CNTNAP5: variants seen among roughly 807,000 people sequenced by gnomAD.
CNTNAP5 encodes the protein contactin associated protein family member 5.
In CNTNAP5, 72 loss-of-function variants were observed where a neutral mutation model predicts 150.2. That is an observed-to-expected ratio of 0.48 (90% CI 0.40 to 0.58). The LOEUF (loss-of-function observed/expected upper bound fraction) is 0.58, where lower values mean the gene tolerates loss of function less well. CNTNAP5 is among the 20% of genes least tolerant of loss of function. The pLI, the probability that CNTNAP5 is intolerant of heterozygous loss-of-function variation, is 0.00. For missense variants in CNTNAP5, 1,636 were observed against 1,626.2 expected, an observed-to-expected ratio of 1.01 and a Z score of -0.10; for synonymous variants, 672 against 619.8, an observed-to-expected ratio of 1.08 and a Z score of -1.25.
chr2:124,746,926 G>A (rs974680216), intron 13 of CNTNAP5, among the ~76,000 whole-genome samples: 6 of 151,842 alleles, frequency 4.0e-5, no homozygotes, highest in African/African-American at 7.3e-5. Context: ...TGAAAATGTC[G>A]TTTATATGTG....
intron 13 of CNTNAP5, among the ~76,000 whole-genome samples, chr2:124,715,761 C>T (rs1679931850): frequency 1.3e-5 from 2 of 152,112 alleles, no homozygotes; most frequent in Admixed American, 6.6e-5. Flanking sequence ...TGACAATACT[C>T]TCCCGAAAAT....
At chr2:124,578,531 G>A (rs1432815772) in intron 11 of CNTNAP5, among the ~76,000 whole-genome samples, 2 of 152,080 alleles carry the variant, frequency 1.3e-5, no homozygotes, top group Non-Finnish European at 1.5e-5. Flanking sequence ...CCCTACTTCA[G>A]AAGGCCGAGG....
intron 1 of CNTNAP5, among the ~76,000 whole-genome samples, chr2:124,123,776 G>C (rs555347947): frequency 6.6e-6 from 1 of 152,282 alleles, no homozygotes; most frequent in African/African-American, 2.4e-5. Flanking sequence ...CTCCGCTAGT[G>C]ATACCCAGGC....
intron 7 of CNTNAP5, among the ~76,000 whole-genome samples, chr2:124,495,077 A>C (rs374886615): frequency 1.3e-5 from 2 of 152,128 alleles, no homozygotes; most frequent in African/African-American, 2.4e-5. Context: ...CCTGATTCAT[A>C]TGTGTAAATT....
At chr2:124,842,365 G>A (rs907879426) in intron 19 of CNTNAP5, among the ~76,000 whole-genome samples, 38 of 152,106 alleles carry the variant, frequency 2.5e-4, no homozygotes, top group Non-Finnish European at 7.4e-5. Context: ...CCTGAACCAA[G>A]GAACCTGTTT....
At chr2:124,390,190 A>G (rs1248982497) in intron 3 of CNTNAP5, among the ~76,000 whole-genome samples, 1 of 152,150 alleles carries the variant, frequency 6.6e-6, no homozygotes, top group Non-Finnish European at 1.5e-5. Flanking sequence ...TAGATAATCC[A>G]ACAGCTGACA....
chr2:124,118,732 C>G (rs989878132), intron 1 of CNTNAP5, among the ~76,000 whole-genome samples: 1 of 152,114 alleles, frequency 6.6e-6, no homozygotes, highest in Non-Finnish European at 1.5e-5. Flanking sequence ...CCAACATTTG[C>G]GAAGGCCCTC....
At chr2:124,299,519 C>A (rs1318499168) in intron 3 of CNTNAP5, among the ~76,000 whole-genome samples, 2 of 152,182 alleles carry the variant, frequency 1.3e-5, no homozygotes, top group African/African-American at 4.8e-5. Flanking sequence ...GACATGATCT[C>A]ATTCTTTTTT....
At chr2:124,493,323 A>C (rs1694073327) in intron 7 of CNTNAP5, among the ~76,000 whole-genome samples, 1 of 151,022 alleles carries the variant, frequency 6.6e-6, no homozygotes, top group Non-Finnish European at 1.5e-5. Context: ...TTAATTAAAA[A>C]TATTTAATTA....
intron 2 of CNTNAP5, among the ~76,000 whole-genome samples, chr2:124,230,502 G>GCA (rs1242515212): frequency 4.7e-5 from 7 of 150,250 alleles, no homozygotes; most frequent in South Asian, 2.1e-4. Flanking sequence ...TTGTGTGTGT[G>GCA]TGTGTGTGTG....
intron 1 of CNTNAP5, among the ~76,000 whole-genome samples, chr2:124,101,782 A>T (rs927374207): frequency 6.6e-6 from 1 of 152,260 alleles, no homozygotes; most frequent in African/African-American, 2.4e-5. Context: ...TAAGACAGAG[A>T]CTGCAATTCA....
intron 1 of CNTNAP5, among the ~76,000 whole-genome samples, chr2:124,032,334 A>C (rs748461095): frequency 1.3e-5 from 2 of 152,160 alleles, no homozygotes; most frequent in Non-Finnish European, 2.9e-5. Context: ...TTAGAGTTGT[A>C]GGTAAGCATG....
intron 7 of CNTNAP5, among the ~76,000 whole-genome samples, chr2:124,487,476 C>T (rs1032555475): frequency 6.6e-6 from 1 of 151,998 alleles, no homozygotes; most frequent in Non-Finnish European, 1.5e-5. Flanking sequence ...TTTATATGTG[C>T]CACATGGTGG....
intron 13 of CNTNAP5, 64 bp from the exon 14 acceptor site, chr2:124,747,165 G>A (rs1022783863): frequency 6.6e-7 from 1 of 1,518,700 alleles, no homozygotes; most frequent in Non-Finnish European, 9.0e-7. Context: ...CTCAGTTTCT[G>A]TGCCATCCCC....
At chr2:124,784,966 C>T (rs1425600275) in intron 17 of CNTNAP5, among the ~76,000 whole-genome samples, 1 of 142,774 alleles carries the variant, frequency 7.0e-6, no homozygotes, top group African/African-American at 2.5e-5. Context: ...ACTAGTATGA[C>T]TAGTATCTTT....
intron 5 of CNTNAP5, among the ~76,000 whole-genome samples, chr2:124,445,699 G>A (rs1692796281): frequency 6.6e-6 from 1 of 152,194 alleles, no homozygotes; most frequent in Non-Finnish European, 1.5e-5. Flanking sequence ...ATGTCACACG[G>A]TTGAACAGGC....
chr2:124,745,526 GGCCAGGTGTGCTTGGCTCACCCGA>G (rs1680586315), intron 13 of CNTNAP5, among the ~76,000 whole-genome samples: 1 of 152,142 alleles, frequency 6.6e-6, no homozygotes, highest in Non-Finnish European at 1.5e-5. Flanking sequence ...CAGTCCTCTA[GGCCAGGTGTGCTTGGCTCACCCGA>G]GCAGGGATTT....
rs189434184 is a variant in CNTNAP5, at chr2:124,683,762, A to G, written c.2077+35804A>G. ...GAATTCTGGACACGCTAAGTTATATATGTGCTGCACTTCACTTTTCTACCC... is the reference window on the plus strand; with the variant it reads ...GAATTCTGGACACGCTAAGTTATATGTGTGCTGCACTTCACTTTTCTACCC... On this transcript the variant is annotated intron_variant, in intron 13 of 23. Transcript: ENST00000682447. Among the ~76,000 whole-genome samples the G allele has an allele frequency of 2.0e-4, 31 of 152,312 alleles. No homozygotes were observed. In the East Asian group the frequency reaches 5.0e-3, roughly 25 times the overall value.
chr2:124,910,137 C>T (rs1305846791), intron 22 of CNTNAP5, among the ~76,000 whole-genome samples: 1 of 152,028 alleles, frequency 6.6e-6, no homozygotes, highest in East Asian at 2.0e-4. Flanking sequence ...AACTACCACA[C>T]TCCCTTCACT....
Sources: allele counts gnomAD v4.1 joint callset (sites outside exome capture counted in the v4.1 genomes callset), GRCh38; gene constraint gnomAD v4.1.1; transcripts MANE v1.5; gene names NCBI Gene and HGNC (gene_info 2026-07-23, HGNC 2026-07-21).